Variants in ZNF385D observed in about 807,000 individuals in gnomAD.
ZNF385D encodes the protein zinc finger protein 659.
In ZNF385D, 15 loss-of-function variants were observed where a neutral mutation model predicts 35.8. That is an observed-to-expected ratio of 0.42 (90% CI 0.28 to 0.64). ZNF385D has a LOEUF of 0.64. Ranked by LOEUF, ZNF385D falls within the 30% of genes least tolerant of loss-of-function variation. The pLI is 0.23. For missense variants in ZNF385D, 474 were observed against 494.6 expected (o/e 0.96, Z 0.39); for synonymous variants, 212 against 186.8 (o/e 1.13, Z -1.10).
intron 2 of ZNF385D, among the ~76,000 whole-genome samples, chr3:22,228,228 G>A (rs1320705003): frequency 6.6e-6 from 1 of 152,180 alleles, no homozygotes; most frequent in African/African-American, 2.4e-5. Flanking sequence ...GAGATGTAAT[G>A]CTAATAAAGG....
intron 3 of ZNF385D, among the ~76,000 whole-genome samples, chr3:21,831,460 T>A (rs1365783459): frequency 1.3e-5 from 2 of 152,194 alleles, no homozygotes; most frequent in Non-Finnish European, 2.9e-5. Flanking sequence ...ATCCCTAGAC[T>A]GGGAATAAGA....
intron 3 of ZNF385D, among the ~76,000 whole-genome samples, chr3:21,937,556 G>C (rs904061662): frequency 6.6e-6 from 1 of 152,012 alleles, no homozygotes; most frequent in Non-Finnish European, 1.5e-5. Context: ...TGACTATACT[G>C]AACTTCTCAC....
intron 1 of ZNF385D, among the ~76,000 whole-genome samples, chr3:21,671,115 T>C (rs2125283084): frequency 6.6e-6 from 1 of 152,176 alleles, no homozygotes; most frequent in Middle Eastern, 3.4e-3. Flanking sequence ...TTCATAAATA[T>C]TCATGGCTCC....
chr3:22,009,488 TG>T (rs1371553005), intron 3 of ZNF385D, among the ~76,000 whole-genome samples: 18 of 151,698 alleles, frequency 1.2e-4, no homozygotes. Context: ...CCGGGCGTGG[TG>T]TCGGGTGCCT....
At chr3:21,750,771 G>C (rs1273721249) in intron 1 of ZNF385D, 124 bp downstream of exon 1, 9 of 1,221,510 alleles carry the variant, frequency 7.4e-6, no homozygotes, top group Non-Finnish European at 9.5e-6. Flanking sequence ...TGGTCCTCCA[G>C]TTGCCAACTG....
At chr3:21,943,728 C>T (rs1213509211) in intron 3 of ZNF385D, among the ~76,000 whole-genome samples, 1 of 151,944 alleles carries the variant, frequency 6.6e-6, no homozygotes, top group East Asian at 1.9e-4. Flanking sequence ...ATTTTACTAA[C>T]CAGATATAAT....
At chr3:22,313,519 T>C (rs186081339) in intron 2 of ZNF385D, among the ~76,000 whole-genome samples, 2 of 152,242 alleles carry the variant, frequency 1.3e-5, no homozygotes, top group African/African-American at 4.8e-5. Flanking sequence ...ATGAAGAATA[T>C]GGTGTAGATG....
At chr3:21,597,187 CTAAT>C (rs1292721954) in intron 2 of ZNF385D, among the ~76,000 whole-genome samples, 17 of 151,834 alleles carry the variant, frequency 1.1e-4, no homozygotes, top group Non-Finnish European at 2.5e-4. Context: ...AATTTACAAC[CTAAT>C]TAATTAATTG....
chr3:21,987,406 T>G lies in ZNF385D; in HGVS notation c.325+181411A>C, dbSNP rs2125386215. Among the ~76,000 whole-genome samples, 2 of 118,242 alleles carry G rather than the reference T, an allele frequency of 1.7e-5. 1 individual carries two copies. Among genetic ancestry groups the G allele is most frequent in the African/African-American group, 1.0e-4 (2 of 20,058 alleles). 77.6% of individuals were successfully genotyped at this position (118,242 alleles called of 152,430 possible). A position where few individuals can be genotyped will look rare whatever the true frequency, so the allele number is the denominator to read the frequency against. ...CAGCATTTGCTTGTCTGTAAAGTAT[T>G]TTATTTCTCCTTCACTTATGAAGCT... On this transcript the variant is annotated intron_variant, in intron 3 of 5. Coordinates refer to the ZNF385D transcript ENST00000494108.
intron 2 of ZNF385D, among the ~76,000 whole-genome samples, chr3:22,206,802 G>A (rs146957445): frequency 2.1e-3 from 313 of 151,838 alleles, no homozygotes; most frequent in African/African-American, 7.4e-3. Flanking sequence ...GTTTATAAAT[G>A]CCAACATCAG....
intron 3 of ZNF385D, among the ~76,000 whole-genome samples, chr3:21,832,089 T>TCTC (rs10657623): frequency 0.89 from 135,351 of 151,946 alleles, 60,545 homozygotes; most frequent in African/African-American, 0.96. Context: ...AATAATTTGT[T>TCTC]CACGTATTTC....
chr3:21,884,464 C>T (rs1245402032), intron 3 of ZNF385D, among the ~76,000 whole-genome samples: 2 of 151,964 alleles, frequency 1.3e-5, no homozygotes, highest in African/African-American at 2.4e-5. Flanking sequence ...GGTTCTTGAC[C>T]TTGGCTAGTG....
chr3:21,978,551 T>C (rs1298027604), intron 3 of ZNF385D, among the ~76,000 whole-genome samples: 2 of 152,252 alleles, frequency 1.3e-5, no homozygotes, highest in Admixed American at 6.5e-5. Flanking sequence ...AGTTTGTCTG[T>C]GATCTGAGAC....
chr3:21,732,030 GTTTTTTTTTTTTTTTTTTTT>G (rs1214143626), intron 1 of ZNF385D, among the ~76,000 whole-genome samples: 4 of 37,368 alleles, frequency 1.1e-4, no homozygotes, highest in Non-Finnish European at 1.7e-4. Context: ...TTTTTTCGGG[GTTTTTTTTTTTTTTTTTTTT>G]TTTTTTTTTT....
chr3:21,809,673 TAC>T (rs1195299395), intron 3 of ZNF385D, among the ~76,000 whole-genome samples: 1 of 81,196 alleles, frequency 1.2e-5, no homozygotes, highest in Non-Finnish European at 2.8e-5. Context: ...TACACATATA[TAC>T]ACACATATAT....
intron 3 of ZNF385D, among the ~76,000 whole-genome samples, chr3:22,007,743 C>T (rs114214952): frequency 0.018 from 2,796 of 152,082 alleles, 36 homozygotes; most frequent in Non-Finnish European, 0.029. Context: ...TGTTAATAAT[C>T]ATCACTTGTA....
At chr3:21,625,787 A>G (rs1399044099) in intron 2 of ZNF385D, among the ~76,000 whole-genome samples, 1 of 152,126 alleles carries the variant, frequency 6.6e-6, no homozygotes, top group Non-Finnish European at 1.5e-5. Flanking sequence ...CATGTTCAAC[A>G]GTAGCACACA....
chr3:21,910,789 G>A (rs1024924661), intron 3 of ZNF385D, among the ~76,000 whole-genome samples: 8 of 151,576 alleles, frequency 5.3e-5, no homozygotes, highest in African/African-American at 1.2e-4. Context: ...GATAAATTCC[G>A]TGAAAATAAA....
At chr3:21,437,323 G>T in intron 4 of ZNF385D, 120 bp from the exon 5 acceptor site, 3 of 928,102 alleles carry the variant, frequency 3.2e-6, no homozygotes, top group South Asian at 2.0e-5. Flanking sequence ...AGCAATTGCT[G>T]TTTGTCAAGG....
Sources: allele counts gnomAD v4.1 joint callset (sites outside exome capture counted in the v4.1 genomes callset), GRCh38; gene constraint gnomAD v4.1.1; transcripts MANE v1.5; gene names NCBI Gene and HGNC (gene_info 2026-07-23, HGNC 2026-07-21).